Variants in CDC42BPG observed in about 807,000 individuals in gnomAD.
The protein encoded by CDC42BPG is CDC42 binding protein kinase gamma.
CDC42BPG carries 157 observed loss-of-function variants against 192.2 expected under a neutral mutation model. The observed-to-expected ratio is 0.82, with a 90% CI of 0.72 to 0.93. The LOEUF (loss-of-function observed/expected upper bound fraction) is 0.93, where lower values mean the gene tolerates loss of function less well. Ranked by LOEUF, CDC42BPG falls within the 40% of genes least tolerant of loss-of-function variation. CDC42BPG has a pLI of 0.00. For missense variants in CDC42BPG, 1,992 were observed against 2,122.1 expected, an observed-to-expected ratio of 0.94 and a Z score of 1.20; for synonymous variants, 981 against 918.5, an observed-to-expected ratio of 1.07 and a Z score of -1.23.
chr11:64,834,138 A>T, intron 20 of CDC42BPG, 128 bp downstream of exon 20: 1 of 1,362,570 alleles, frequency 7.3e-7, no homozygotes, highest in Non-Finnish European at 1.0e-6. Flanking sequence ...CAGATGATGG[A>T]GTAAGCGGCA....
chr11:64,829,001 G>C (rs956568604), intron 30 of CDC42BPG, among the ~76,000 whole-genome samples: 3 of 151,728 alleles, frequency 2.0e-5, no homozygotes, highest in African/African-American at 7.3e-5. Context: ...AGTGAGCCGA[G>C]ATCACACCAC....
chr11:64,839,752 G>C (rs1349981142), intron 5 of CDC42BPG, among the ~76,000 whole-genome samples, 181 bp from the exon 6 acceptor site: 5 of 152,152 alleles, frequency 3.3e-5, no homozygotes, highest in Non-Finnish European at 7.3e-5. Flanking sequence ...GCCAGAAGGA[G>C]GAAGATGGCT....
rs375315406 is a variant in CDC42BPG at position 64,835,665 on chromosome 11, T to C, written c.1759-44A>G. On this transcript the variant is annotated intron_variant, in intron 14 of 36. Coordinates refer to ENST00000342711, the MANE Select transcript of CDC42BPG (RefSeq NM_017525.3). ...GTCAGGGCAGAGACCCAAGATGCCA[T>C]GGCCCACCCACCTGGGACACAGGCC... 2.5e-6 allele frequency: 4 copies of C among 1,584,296 alleles called. No homozygotes were observed. In the African/African-American group the frequency reaches 5.4e-5, roughly 21 times the overall value.
rs1355223037 is a variant in CDC42BPG at position 64,824,448 on chromosome 11, T to C, written c.*25A>G. The stretch of plus-strand genomic sequence containing the variant: ...TCCCTCATGTCCTTCTGCCCTGGGA[T>C]TGGGGTGGGCCCTAACAGAGGGCAT... On this transcript the variant is annotated 3_prime_UTR_variant, in exon 37 of 37. Coordinates refer to ENST00000342711, the MANE Select transcript of CDC42BPG (RefSeq NM_017525.3). 1.4e-6 allele frequency: 2 copies of C among 1,462,968 alleles called. No homozygotes were observed. The highest frequency in any genetic ancestry group is 1.4e-5 in the African/African-American group (1 of 72,208). The allele number at this position is 1,462,968 out of a possible 1,614,324, so 90.6% of individuals were successfully genotyped here. A position where few individuals can be genotyped will look rare whatever the true frequency, so the allele number is the denominator to read the frequency against.
At chr11:64,840,328 G>T in intron 4 of CDC42BPG, 60 bp from the exon 5 acceptor site, 2 of 1,579,404 alleles carry the variant, frequency 1.3e-6, no homozygotes, top group South Asian at 1.1e-5. Context: ...ACTTCACCGC[G>T]GTCCCGCAGG....
In CDC42BPG at chr11:64,837,013, A is replaced by C. The variant is rs1943050749; in HGVS notation, c.1212T>G (p.Ser404Arg). The change falls in exon 10 of 37, where the codon AGT (serine) becomes AGG (arginine). Residue 404 changes from serine to arginine, a missense_variant. Around this residue, in one of 2 missense-constraint regions of CDC42BPG, gnomAD observed 1,656 missense variants for 1,844.3 expected, o/e 0.90. Transcript: ENST00000342711. Reference sequence around the variant, plus strand: ...CCCAAGCCTCAGAGCTGCTCTCAGGACTGTGACTGTAGGGGGACAGGGGCC... The same window carrying C: ...CCCAAGCCTCAGAGCTGCTCTCAGGCCTGTGACTGTAGGGGGACAGGGGCC... The part of the protein sequence containing the change: ...VGFTYTSGSH[S>R]PESSSEAWAA... 1 of 1,612,596 alleles carries C rather than the reference A, an allele frequency of 6.2e-7. No homozygotes were observed.
chr11:64,843,026 TC>T (rs1159214351), intron 1 of CDC42BPG, among the ~76,000 whole-genome samples: 1 of 151,680 alleles, frequency 6.6e-6, no homozygotes, highest in Non-Finnish European at 1.5e-5. Context: ...GCCCCGGGCC[TC>T]CCCGTGGGAG....
In CDC42BPG at chr11:64,827,692, G is replaced by A. The variant is rs759565006; in HGVS notation, c.4059C>T (p.Leu1353=). 3 of 1,611,148 alleles carry A rather than the reference G, an allele frequency of 1.9e-6. No individual in the cohort carries two copies. Among genetic ancestry groups the A allele is most frequent in the Non-Finnish European group, 2.5e-6 (3 of 1,178,054 alleles). ...RRAEWVQTVP[L]KKVRPLNPEG... Reference sequence around the variant, plus strand: ...GGCTCTGGCGGACCCTCACCTTCTTGAGCGGCACGGTCTGCACCCATTCTG... The same window carrying A: ...GGCTCTGGCGGACCCTCACCTTCTTAAGCGGCACGGTCTGCACCCATTCTG... Residue 1353 remains leucine (L), a synonymous_variant, in exon 31 of 37, where the codon CTC becomes CTT. Transcript: ENST00000342711.
At chr11:64,833,466 G>T (rs1027906277) in intron 23 of CDC42BPG, 130 bp from the exon 24 acceptor site, 4 of 1,002,808 alleles carry the variant, frequency 4.0e-6, no homozygotes, top group Non-Finnish European at 5.8e-6. Context: ...ATGGCGGCAG[G>T]CAAGCTCATC....
At position 64,844,476 on chromosome 11, in the gene CDC42BPG, G is replaced by T; in HGVS notation, c.94C>A (p.Leu32Met). ...GGGCCGCTGCTGAGCTCGTGGTGCA[G>T]CGCCAGCAGCAGATCTAGGAGGCCG... ...LDGLLDLLLA[L>M]HHELSSGPLR... The change falls in exon 1 of 37, where the codon CTG becomes ATG. Residue 32 changes from leucine to methionine, a missense_variant. Transcript: ENST00000342711. 6.9e-7 allele frequency: 1 copy of T among 1,446,682 alleles called. No individual in the cohort carries two copies. Among genetic ancestry groups the T allele is most frequent in the Non-Finnish European group, 9.1e-7 (1 of 1,104,008 alleles). 89.6% of individuals were successfully genotyped at this position (1,446,682 alleles called of 1,614,324 possible). A position where few individuals can be genotyped will look rare whatever the true frequency, so the allele number is the denominator to read the frequency against.
Position 64,829,511 on chromosome 11 carries a change from A to T in CDC42BPG, c.3927T>A (p.Arg1309=), listed in dbSNP as rs1942582315. 7 of 1,612,798 alleles carry T rather than the reference A, an allele frequency of 4.3e-6. No individual in the cohort carries two copies. Among genetic ancestry groups the T allele is most frequent in the Non-Finnish European group, 5.9e-6 (7 of 1,179,930 alleles). ...CTGCTGGCCACAACAGCTCGTGGCC[A>T]CGAGACTTGCGGCCTGCGCCATCCA... The part of the protein sequence containing the change: ...IYVDGAGRKS[R]GHELLWPAAP... Residue 1309 remains arginine (R), a synonymous_variant, in exon 30 of 37, where the codon CGT becomes CGA. Transcript: ENST00000342711.
intron 1 of CDC42BPG, among the ~76,000 whole-genome samples, chr11:64,843,548 T>G (rs1943373522): frequency 6.6e-6 from 1 of 152,062 alleles, no homozygotes. Flanking sequence ...GGAACGCTAG[T>G]TGCCCACTGG....
intron 11 of CDC42BPG, 28 bp from the exon 12 acceptor site, chr11:64,836,558 A>G: frequency 6.3e-7 from 1 of 1,591,588 alleles, no homozygotes; most frequent in Non-Finnish European, 8.6e-7. Flanking sequence ...TGAGACCTCG[A>G]GTGCTGGCGG....
Position 64,831,533 on chromosome 11 carries a change from C to T in CDC42BPG, c.3276G>A (p.Leu1092=), listed in dbSNP as rs1323234591. Residue 1092 remains leucine, a synonymous_variant, in exon 28 of 37, where the codon CTG becomes CTA. Coordinates refer to ENST00000342711, the MANE Select transcript of CDC42BPG (RefSeq NM_017525.3). ...GGATGGCAGCGCAGAGCGTGTGAGG[C>T]AGCAGCGGCAGCCCGTTGTCGTAAG... is the stretch of plus-strand genomic sequence containing the variant. The part of the protein sequence containing the change: ...KEAYDNGLPL[L]PHTLCAAILD... 6.2e-7 allele frequency: 1 copy of T among 1,611,306 alleles called. No homozygotes were observed.
At position 64,830,006 on chromosome 11, in the gene CDC42BPG, C is replaced by A; in HGVS notation, c.3432G>T (p.Leu1144=). ...GGCCGCGGCCACACAGCACGACCAG[C>A]AGGCCTGCACTGGGGCTCAAGGTCA... is the stretch of plus-strand genomic sequence containing the variant. ...QQLTLSPSAG[L]LVVLCGRGPS... The change falls in exon 30 of 37, where the codon CTG becomes CTT. Residue 1144 remains leucine, a synonymous_variant. Transcript: ENST00000342711. 6.2e-7 allele frequency: 1 copy of A among 1,612,410 alleles called. No homozygotes were observed. Among genetic ancestry groups the A allele is most frequent in the East Asian group, 2.2e-5 (1 of 44,868 alleles).
rs778620919 is a variant in CDC42BPG, at chr11:64,836,708, G to GGGT, written c.1384+30_1384+31insACC. On this transcript the variant is annotated intron_variant, in intron 11 of 36. Transcript: ENST00000342711. ...CGAGCCCAGGTGGGACTCAGCCCTGGGGGGGGGGGGGGGGTGGGCGGAAGG... is the reference window on the plus strand; with the variant it reads ...CGAGCCCAGGTGGGACTCAGCCCTGGGGTGGGGGGGGGGGGGGTGGGCGGAAGG... The GGGT allele has an allele frequency of 1.2e-4, 85 of 695,592 alleles. 1 individual carries two copies. The highest frequency in any genetic ancestry group is 1.0e-3 in the South Asian group (52 of 50,586). 43.1% of individuals were successfully genotyped at this position (695,592 alleles called of 1,614,324 possible). A position where few individuals can be genotyped will look rare whatever the true frequency, so the allele number is the denominator to read the frequency against.
At position 64,832,967 on chromosome 11, in the gene CDC42BPG, G is replaced by C. The variant is rs1942774831; in HGVS notation, c.2732-8C>G. 1 of 1,521,920 alleles carries C rather than the reference G, an allele frequency of 6.6e-7. No homozygotes were observed. The highest frequency in any genetic ancestry group is 1.3e-5 in the South Asian group (1 of 78,828). The allele number at this position is 1,521,920 out of a possible 1,614,324, so 94.3% of individuals were successfully genotyped here. A position where few individuals can be genotyped will look rare whatever the true frequency, so the allele number is the denominator to read the frequency against. ...GACAAAAGTAGCCGCAGGCTGTGGGGAAAGTGGAGAAGGTGGATGAGGTGA... is the reference window on the plus strand; with the variant it reads ...GACAAAAGTAGCCGCAGGCTGTGGGCAAAGTGGAGAAGGTGGATGAGGTGA... On this transcript the variant is annotated splice_region_variant and splice_polypyrimidine_tract_variant and intron_variant, in intron 24 of 36. Transcript: ENST00000342711.
intron 14 of CDC42BPG, 66 bp from the exon 15 acceptor site, chr11:64,835,687 G>C: frequency 6.2e-7 from 1 of 1,600,180 alleles, no homozygotes; most frequent in Admixed American, 1.7e-5. Context: ...CTGGGACACA[G>C]GCCTGGCCCT....
intron 6 of CDC42BPG, 104 bp downstream of exon 6, chr11:64,839,374 C>T: frequency 6.7e-7 from 1 of 1,494,564 alleles, no homozygotes; most frequent in Non-Finnish European, 9.2e-7. Flanking sequence ...ACCCACCTTC[C>T]CCGGGGGGCC....
Sources: gnomAD v4.1 joint callset for allele counts (sites outside exome capture counted in the v4.1 genomes callset) on GRCh38, gnomAD v4.1.1 for gene constraint, gnomAD v4.1.1 regional missense constraint, MANE v1.5 for transcripts, NCBI Gene and HGNC (gene_info 2026-07-23, HGNC 2026-07-21) for gene names.